The following IGFL2 variants were observed in gnomAD, a reference collection of about 807,000 sequenced individuals.
IGFL2 encodes insulin growth factor-like family member 2.
A neutral mutation model predicts 13.9 loss-of-function variants in IGFL2; 7 were observed. That is an observed-to-expected ratio of 0.51 (90% CI 0.29 to 0.95). IGFL2 has a LOEUF of 0.95. Ranked by LOEUF, IGFL2 falls within the 40% of genes least tolerant of loss-of-function variation. IGFL2 has a pLI of 0.08. For synonymous variants in IGFL2, 55 were observed against 55.8 expected (o/e 0.99, Z 0.07); for missense variants, 138 against 147.8 (o/e 0.93, Z 0.34).
At position 46,160,758 on chromosome 19, in the gene IGFL2, G is replaced by A; in HGVS notation, c.218G>A (p.Trp73Ter). The A allele has an allele frequency of 1.2e-6, 2 of 1,614,160 alleles. No individual in the cohort carries two copies. The highest frequency in any genetic ancestry group is 1.7e-6 in the Non-Finnish European group (2 of 1,180,018). The change falls in exon 3 of 4, where the codon TGG becomes TAG. Residue 73 changes from tryptophan to a stop codon, truncating the protein, a stop_gained. Coordinates refer to ENST00000377693, the MANE Select transcript of IGFL2 (RefSeq NM_001135113.2). LOFTEE classifies it high-confidence loss of function. Reference protein sequence around the residue: ...TRQCGPPCTFWPCFELCCLDS... With the variant: ...TRQCGPPCTF ...CAATGTGGTCCCCCCTGCACCTTCT[G>A]GCCCTGCTTTGAGCTCTGCTGTCTT...
chr19:46,095,269 C>CT, the IGFL2 span, among the ~76,000 whole-genome samples: 1 of 152,158 alleles, frequency 6.6e-6, no homozygotes, highest in Non-Finnish European at 1.5e-5. Context: ...TTGCATTTCT[C>CT]TAATGATCAG....
At chr19:46,103,560 C>T in the IGFL2 span, among the ~76,000 whole-genome samples, 1 of 152,060 alleles carries the variant, frequency 6.6e-6, no homozygotes, top group Admixed American at 6.6e-5. Context: ...GGGGATAGTA[C>T]TAGGAGATAT....
the IGFL2 span, among the ~76,000 whole-genome samples, chr19:46,177,864 G>T: frequency 6.6e-6 from 1 of 152,170 alleles, no homozygotes; most frequent in Non-Finnish European, 1.5e-5. Context: ...TGGCCAAGGT[G>T]ACCCAAGAGA....
chr19:46,152,416 A>G (rs1973552625), intron 1 of IGFL2, among the ~76,000 whole-genome samples: 1 of 151,908 alleles, frequency 6.6e-6, no homozygotes, highest in Admixed American at 6.6e-5. Flanking sequence ...AGCTAGAACT[A>G]CAGGCATGTG....
chr19:46,145,510 C>G (rs1973076041), upstream of IGFL2, among the ~76,000 whole-genome samples: 1 of 152,050 alleles, frequency 6.6e-6, no homozygotes, highest in Admixed American at 6.6e-5. Context: ...TCCAGTAACT[C>G]TTAGTTCCTT....
At chr19:46,194,848 ATATATTTTTTT>A in the IGFL2 span, among the ~76,000 whole-genome samples, 3 of 33,948 alleles carry the variant, frequency 8.8e-5, no homozygotes, top group African/African-American at 1.9e-4. Flanking sequence ...ATATATATAT[ATATATTTTTTT>A]TTTTTTTTTT....
the IGFL2 span, among the ~76,000 whole-genome samples, chr19:46,181,995 G>A: frequency 6.6e-6 from 1 of 151,982 alleles, no homozygotes; most frequent in Non-Finnish European, 1.5e-5. Context: ...ATGTTCACTG[G>A]CAACAATTTC....
chr19:46,158,030 A>G (rs1012249352), intron 1 of IGFL2, among the ~76,000 whole-genome samples: 7 of 152,132 alleles, frequency 4.6e-5, no homozygotes, highest in African/African-American at 1.7e-4. Flanking sequence ...ACAAAATAGC[A>G]CCTGCAATTG....
At chr19:46,108,681 G>T in the IGFL2 span, among the ~76,000 whole-genome samples, 1 of 152,160 alleles carries the variant, frequency 6.6e-6, no homozygotes, top group South Asian at 2.1e-4. Context: ...CCACCAAGGT[G>T]AAGGATCAAG....
At chr19:46,166,654 C>T in the IGFL2 span, among the ~76,000 whole-genome samples, 3 of 152,180 alleles carry the variant, frequency 2.0e-5, no homozygotes, top group South Asian at 2.1e-4. Context: ...TCTGCAATCT[C>T]GACCATAAGA....
chr19:46,100,163 A>T, the IGFL2 span, among the ~76,000 whole-genome samples: 1 of 152,066 alleles, frequency 6.6e-6, no homozygotes, highest in East Asian at 1.9e-4. Flanking sequence ...CCCTTGCTGG[A>T]GAGGAGTTGT....
intron 1 of IGFL2, among the ~76,000 whole-genome samples, chr19:46,156,765 G>A (rs115851830): frequency 1.0e-3 from 159 of 152,066 alleles, no homozygotes; most frequent in African/African-American, 3.3e-3. Flanking sequence ...CCCAAAGCAA[G>A]AAGGAAGGAA....
chr19:46,094,356 T>C, the IGFL2 span, among the ~76,000 whole-genome samples: 5 of 152,114 alleles, frequency 3.3e-5, no homozygotes, highest in Non-Finnish European at 7.4e-5. Context: ...TTTAAAAAAA[T>C]ATTTAGATTG....
At chr19:46,169,651 C>T in the IGFL2 span, among the ~76,000 whole-genome samples, 1 of 151,896 alleles carries the variant, frequency 6.6e-6, no homozygotes, top group Non-Finnish European at 1.5e-5. Flanking sequence ...AGTTCAAAAC[C>T]ACCCTGGCCA....
At chr19:46,176,014 T>TGG in the IGFL2 span, among the ~76,000 whole-genome samples, 2 of 127,080 alleles carry the variant, frequency 1.6e-5, no homozygotes, top group African/African-American at 3.1e-5. Context: ...GACTAATTTT[T>TGG]TTTTTTTTTT....
At chr19:46,177,303 G>A in the IGFL2 span, among the ~76,000 whole-genome samples, 1 of 152,156 alleles carries the variant, frequency 6.6e-6, no homozygotes, top group East Asian at 1.9e-4. Flanking sequence ...TGAGGTGGGA[G>A]GATCACTTGA....
chr19:46,182,936 TC>T, the IGFL2 span, among the ~76,000 whole-genome samples: 2 of 152,060 alleles, frequency 1.3e-5, no homozygotes, highest in African/African-American at 4.8e-5. Context: ...TCTCCCTTTC[TC>T]CTCATACTCT....
At chr19:46,138,127 G>T (rs536750945), upstream of IGFL2, among the ~76,000 whole-genome samples, 8 of 152,292 alleles carry the variant, frequency 5.3e-5, no homozygotes, top group South Asian at 1.7e-3. Flanking sequence ...TCTTGTGCTG[G>T]TTTTTTCTCA....
the IGFL2 span, among the ~76,000 whole-genome samples, chr19:46,199,520 A>C: frequency 6.6e-6 from 1 of 152,110 alleles, no homozygotes; most frequent in Non-Finnish European, 1.5e-5. Context: ...GGAGCACTGG[A>C]CTAGCCCTGG....
Sources: gnomAD v4.1 joint callset for allele counts (sites outside exome capture counted in the v4.1 genomes callset) on GRCh38, gnomAD v4.1.1 for gene constraint, MANE v1.5 for transcripts, NCBI Gene and HGNC (gene_info 2026-07-23, HGNC 2026-07-21) for gene names.